The following DPH6 variants were observed in gnomAD, a reference collection of about 807,000 sequenced individuals.
The protein encoded by DPH6 is diphthine--ammonia ligase.
Under a neutral mutation model 38.2 loss-of-function variants are expected in DPH6, and 33 were observed. The ratio of observed to expected loss-of-function variants is 0.86; its 90% CI spans 0.65 to 1.15. DPH6 has a LOEUF of 1.15. Ranked by LOEUF, DPH6 falls within the 50% of genes most tolerant of loss-of-function variation. DPH6 has a pLI of 0.00. For missense variants in DPH6, 325 were observed against 320.0 expected, an observed-to-expected ratio of 1.02 and a Z score of -0.12; for synonymous variants, 108 against 103.0, an observed-to-expected ratio of 1.05 and a Z score of -0.30.
intron 3 of DPH6, among the ~76,000 whole-genome samples, chr15:35,348,611 G>A (rs746776090): frequency 6.6e-6 from 1 of 152,062 alleles, no homozygotes; most frequent in Non-Finnish European, 1.5e-5. Context: ...ATTGAAATAG[G>A]AAGTTGAGAT....
the DPH6 span, among the ~76,000 whole-genome samples, chr15:35,178,551 T>C: frequency 6.6e-6 from 1 of 152,288 alleles, no homozygotes; most frequent in African/African-American, 2.4e-5. Context: ...CACATGGGAA[T>C]TATGGGAGCA....
chr15:35,506,455 CT>C (rs1448698210), intron 3 of DPH6, among the ~76,000 whole-genome samples: 1 of 152,108 alleles, frequency 6.6e-6, no homozygotes, highest in Non-Finnish European at 1.5e-5. Context: ...AAAGAAGAGT[CT>C]GAGTGCCAGC....
chr15:35,391,719 G>A (rs187449040), intron 6 of DPH6, among the ~76,000 whole-genome samples: 34 of 152,304 alleles, frequency 2.2e-4, no homozygotes, highest in African/African-American at 6.7e-4. Context: ...GGAGTGACCC[G>A]ATTTTCCAGG....
intron 3 of DPH6, chr15:35,521,071 C>T: frequency 1.0e-6 from 1 of 985,136 alleles, no homozygotes; most frequent in Non-Finnish European, 1.2e-6. Context: ...ACAAAAGCTC[C>T]AGTTTAACAA....
the DPH6 span, among the ~76,000 whole-genome samples, chr15:35,156,847 T>TCACTGAG: frequency 6.6e-6 from 1 of 152,206 alleles, no homozygotes; most frequent in African/African-American, 2.4e-5. Flanking sequence ...GAGTTGTCTA[T>TCACTGAG]CACTGAGTTA....
At chr15:35,327,669 A>G (rs963387322), downstream of DPH6, among the ~76,000 whole-genome samples, 1 of 152,176 alleles carries the variant, frequency 6.6e-6, no homozygotes, top group Non-Finnish European at 1.5e-5. Flanking sequence ...GCGAAGTGAA[A>G]GTCAGGAGAC....
At chr15:35,216,081 T>C (rs553862542), downstream of DPH6, among the ~76,000 whole-genome samples, 40 of 152,354 alleles carry the variant, frequency 2.6e-4, no homozygotes, top group African/African-American at 9.6e-4. Context: ...TCCAAAATTC[T>C]AAAGAATAAT....
rs1301489042 is a variant in DPH6 at position 35,371,103 on chromosome 15, T to C, written c.*1047A>G. ...CCAATCTGAAAAGCTATATACTGCA[T>C]GAAAAGCTATATACTGTATGATTTC... On this transcript the variant is annotated 3_prime_UTR_variant, in exon 9 of 9. Coordinates refer to ENST00000256538, the MANE Select transcript of DPH6 (RefSeq NM_080650.4). The C allele has an allele frequency of 6.6e-6, 1 of 151,694 alleles. No individual in the cohort carries two copies. The highest frequency in any genetic ancestry group is 1.5e-5 in the Non-Finnish European group (1 of 67,752). 9.4% of individuals were successfully genotyped at this position (151,694 alleles called of 1,614,324 possible).
intron 6 of DPH6, among the ~76,000 whole-genome samples, chr15:35,406,554 T>G (rs1451286199): frequency 6.6e-6 from 1 of 151,972 alleles, no homozygotes; most frequent in African/African-American, 2.4e-5. Flanking sequence ...CAGATGCTAA[T>G]GTGGTGACTG....
chr15:35,331,336 A>G, intron 3 of DPH6, among the ~76,000 whole-genome samples: 1 of 152,190 alleles, frequency 6.6e-6, no homozygotes, highest in East Asian at 1.9e-4. Flanking sequence ...GAGTTTTTAC[A>G]TTAAAATATA....
At chr15:35,283,036 TTC>T (rs1491161589) in intron 3 of DPH6, 1 of 194,496 alleles carries the variant, frequency 5.1e-6, no homozygotes, top group Non-Finnish European at 1.1e-5. Flanking sequence ...TTCCTTCTTC[TTC>T]TTCTTCTTCC....
At position 35,543,295 on chromosome 15, in the gene DPH6, T is replaced by C. The variant is rs955691011; in HGVS notation, c.24-788A>G. ...ATATATATATATATATATATATATA[T>C]ATATATATGATGGCAGCAGAACTAG... is the stretch of plus-strand genomic sequence containing the variant. On this transcript the variant is annotated intron_variant, in intron 1 of 8. Transcript: ENST00000256538. Among the ~76,000 whole-genome samples, 25 of 87,106 alleles carry C rather than the reference T, an allele frequency of 2.9e-4. No individual in the cohort carries two copies. The Admixed American group carries it at 3.2e-3, about 11-fold the overall frequency. 57.1% of individuals were successfully genotyped at this position (87,106 alleles called of 152,430 possible).
At chr15:35,198,368 T>A in the DPH6 span, among the ~76,000 whole-genome samples, 2 of 152,318 alleles carry the variant, frequency 1.3e-5, no homozygotes, top group South Asian at 2.1e-4. Context: ...CAAAATGAAC[T>A]ATCTATATGC....
Position 35,410,725 on chromosome 15 carries a change from T to C in DPH6, c.567+110A>G, listed in dbSNP as rs2053355013. 5.2e-6 allele frequency: 4 copies of C among 775,570 alleles called. No homozygotes were observed. The African/African-American group carries it at 7.5e-5, about 15-fold the overall frequency. The allele number at this position is 775,570 out of a possible 1,614,324, so 48.0% of individuals were successfully genotyped here. A position where few individuals can be genotyped will look rare whatever the true frequency, so the allele number is the denominator to read the frequency against. On this transcript the variant is annotated intron_variant, in intron 6 of 8. Transcript: ENST00000256538. ...AATTTTTTCATAAATATATTATGAA[T>C]GTATTTGATTTTTACTAAAATAAAG...
At chr15:35,425,581 C>A (rs2141021246) in intron 5 of DPH6, among the ~76,000 whole-genome samples, 1 of 150,810 alleles carries the variant, frequency 6.6e-6, no homozygotes, top group Admixed American at 6.6e-5. Flanking sequence ...GTGCATATTT[C>A]TTGGCAGGTA....
chr15:35,186,112 C>T, the DPH6 span, among the ~76,000 whole-genome samples: 1 of 152,074 alleles, frequency 6.6e-6, no homozygotes, highest in Non-Finnish European at 1.5e-5. Flanking sequence ...GCAGAGTTTG[C>T]CTTTGAACCA....
chr15:35,186,728 A>T, the DPH6 span, among the ~76,000 whole-genome samples: 1 of 152,262 alleles, frequency 6.6e-6, no homozygotes, highest in Admixed American at 6.5e-5. Flanking sequence ...TTTCTGTAAA[A>T]TCCAAGTTCA....
chr15:35,403,152 G>T (rs1018983988), intron 6 of DPH6, among the ~76,000 whole-genome samples: 1 of 151,928 alleles, frequency 6.6e-6, no homozygotes, highest in African/African-American at 2.4e-5. Context: ...CAAATTCTCA[G>T]GAAATAAATC....
chr15:35,207,038 CTTTTTTTTT>C, the DPH6 span, among the ~76,000 whole-genome samples: 11 of 74,076 alleles, frequency 1.5e-4, no homozygotes, highest in South Asian at 7.4e-4. Flanking sequence ...TTTAGTAAAG[CTTTTTTTTT>C]TTTTTTTTTT....
Sources: gnomAD v4.1 joint callset for allele counts (sites outside exome capture counted in the v4.1 genomes callset) on GRCh38, gnomAD v4.1.1 for gene constraint, MANE v1.5 for transcripts, NCBI Gene and HGNC (gene_info 2026-07-23, HGNC 2026-07-21) for gene names.